KYNU: variants seen among roughly 807,000 people sequenced by gnomAD.
KYNU encodes kynureninase.
In KYNU, 54 loss-of-function variants were observed where a neutral mutation model predicts 59.2. The ratio of observed to expected loss-of-function variants is 0.91; its 90% CI spans 0.73 to 1.14. The LOEUF is 1.14. Ranked by LOEUF, KYNU falls within the 50% of genes most tolerant of loss-of-function variation. The probability of loss-of-function intolerance (pLI) is 0.00; values close to 1 mark genes in which losing one functional copy is unlikely to be tolerated. For synonymous variants in KYNU, 177 were observed against 192.0 expected, an observed-to-expected ratio of 0.92 and a Z score of 0.65; for missense variants, 567 against 554.4, an observed-to-expected ratio of 1.02 and a Z score of -0.23.
intron 4 of KYNU, among the ~76,000 whole-genome samples, chr2:142,945,150 A>G (rs562367225): frequency 2.6e-4 from 40 of 152,342 alleles, no homozygotes; most frequent in African/African-American, 8.7e-4. Flanking sequence ...TAAGATAGCA[A>G]TCACGTTTGC....
At chr2:142,905,594 T>C (rs1420583581) in intron 2 of KYNU, among the ~76,000 whole-genome samples, 1 of 152,234 alleles carries the variant, frequency 6.6e-6, no homozygotes, top group African/African-American at 2.4e-5. Context: ...AGCCCGATAC[T>C]TTAAGATTTT....
intron 10 of KYNU, among the ~76,000 whole-genome samples, chr2:143,022,885 G>C (rs1218837360): frequency 6.6e-6 from 1 of 151,502 alleles, no homozygotes; most frequent in Non-Finnish European, 1.5e-5. Context: ...ATGTTTTCTT[G>C]ATCAATTGGT....
At chr2:142,899,592 C>G (rs1682001028) in intron 2 of KYNU, among the ~76,000 whole-genome samples, 1 of 152,172 alleles carries the variant, frequency 6.6e-6, no homozygotes, top group African/African-American at 2.4e-5. Flanking sequence ...AGGGGTCGTG[C>G]AATTGAGATT....
chr2:142,936,648 T>C (rs1373656517), intron 4 of KYNU, among the ~76,000 whole-genome samples: 1 of 152,200 alleles, frequency 6.6e-6, no homozygotes, highest in African/African-American at 2.4e-5. Flanking sequence ...ACCAGAGCCT[T>C]CTTGGACCAA....
At chr2:142,960,370 G>A (rs1684302246) in intron 7 of KYNU, among the ~76,000 whole-genome samples, 1 of 152,070 alleles carries the variant, frequency 6.6e-6, no homozygotes. Context: ...TTTAAAAACT[G>A]GAGAATAAAT....
At chr2:142,900,653 G>T (rs547737922) in intron 2 of KYNU, among the ~76,000 whole-genome samples, 4 of 152,106 alleles carry the variant, frequency 2.6e-5, no homozygotes, top group Admixed American at 2.6e-4. Context: ...ATTCTTAGTC[G>T]GCCTAGGAAA....
At chr2:142,903,024 G>A (rs940912123) in intron 2 of KYNU, among the ~76,000 whole-genome samples, 4 of 152,246 alleles carry the variant, frequency 2.6e-5, no homozygotes, top group Admixed American at 2.6e-4. Flanking sequence ...GAAGGGTAAG[G>A]TACAGCTGGG....
intron 4 of KYNU, among the ~76,000 whole-genome samples, chr2:142,930,521 G>GGTGCAAA (rs1488442435): frequency 3.3e-5 from 5 of 152,236 alleles, no homozygotes; most frequent in African/African-American, 1.2e-4. Context: ...TCATGATCAA[G>GGTGCAAA]GTGCAAAGTG....
chr2:143,028,630 G>A (rs1169463726), intron 10 of KYNU, among the ~76,000 whole-genome samples: 1 of 151,294 alleles, frequency 6.6e-6, no homozygotes, highest in Non-Finnish European at 1.5e-5. Context: ...CTGATCACCT[G>A]AGGTCGGGAG....
At chr2:142,912,096 A>AT (rs1468004762) in intron 2 of KYNU, among the ~76,000 whole-genome samples, 2 of 151,854 alleles carry the variant, frequency 1.3e-5, no homozygotes, top group African/African-American at 4.8e-5. Flanking sequence ...CCCCTCCTTA[A>AT]TTTTTTGGGA....
intron 12 of KYNU, among the ~76,000 whole-genome samples, chr2:143,038,556 C>A (rs1476605583): frequency 6.6e-6 from 1 of 152,102 alleles, no homozygotes; most frequent in African/African-American, 2.4e-5. Flanking sequence ...CTCTCGGGAG[C>A]TTATGAAGCC....
At chr2:142,906,866 T>C (rs745381719) in intron 2 of KYNU, among the ~76,000 whole-genome samples, 3 of 152,138 alleles carry the variant, frequency 2.0e-5, no homozygotes, top group Non-Finnish European at 4.4e-5. Flanking sequence ...TAGTTGACCC[T>C]TGGCATCCCT....
intron 10 of KYNU, among the ~76,000 whole-genome samples, chr2:143,005,929 C>A (rs1296123390): frequency 6.6e-6 from 1 of 152,108 alleles, no homozygotes; most frequent in African/African-American, 2.4e-5. Context: ...TCCAACAATC[C>A]ATGGAAGTCC....
chr2:142,882,660 C>T (rs1681343473), intron 1 of KYNU, among the ~76,000 whole-genome samples: 1 of 152,198 alleles, frequency 6.6e-6, no homozygotes, highest in Admixed American at 6.5e-5. Flanking sequence ...GACATGAACT[C>T]ATCCTTTTTT....
chr2:142,912,703 C>CTTTTTTT (rs1163302368), intron 2 of KYNU, among the ~76,000 whole-genome samples: 32 of 71,864 alleles, frequency 4.5e-4, no homozygotes, highest in East Asian at 9.4e-4. Context: ...TTCTTTCTTC[C>CTTTTTTT]TTTTTTTTTT....
chr2:143,025,369 A>T (rs1214916132), intron 10 of KYNU, among the ~76,000 whole-genome samples: 1 of 152,066 alleles, frequency 6.6e-6, no homozygotes, highest in Admixed American at 6.6e-5. Context: ...TTCCTAGATT[A>T]GCAATTTGGG....
intron 4 of KYNU, among the ~76,000 whole-genome samples, chr2:142,945,600 C>G (rs1390073539): frequency 6.6e-6 from 1 of 152,138 alleles, no homozygotes; most frequent in Non-Finnish European, 1.5e-5. Flanking sequence ...TTGACCTCCT[C>G]CCAATAATCA....
chr2:142,957,670 C>T lies in KYNU; in HGVS notation c.537C>T (p.His179=), dbSNP rs756246611. 14 of 1,606,238 alleles carry T rather than the reference C, an allele frequency of 8.7e-6. No individual in the cohort carries two copies. Among genetic ancestry groups the T allele is most frequent in the African/African-American group, 1.3e-5 (1 of 74,808 alleles). ...CTATTGAGTCACAACTACAACTTCACGGACTTAACATTGAAGAAAGTATGC... is the reference window on the plus strand; with the variant it reads ...CTATTGAGTCACAACTACAACTTCATGGACTTAACATTGAAGAAAGTATGC... ...HYAIESQLQL[H]GLNIEESMRM... is the part of the protein sequence containing the mutation. The change falls in exon 7 of 14, where the codon CAC becomes CAT. Residue 179 remains histidine (H), a synonymous_variant. Coordinates refer to ENST00000264170, the MANE Select transcript of KYNU (RefSeq NM_003937.3).
intron 10 of KYNU, among the ~76,000 whole-genome samples, chr2:143,001,986 G>A (rs780623662): frequency 4.6e-5 from 7 of 151,986 alleles, no homozygotes; most frequent in Non-Finnish European, 8.8e-5. Flanking sequence ...AATTTGATTC[G>A]CCAGGCCATT....
Sources: gnomAD v4.1 joint callset for allele counts (sites outside exome capture counted in the v4.1 genomes callset) on GRCh38, gnomAD v4.1.1 for gene constraint, MANE v1.5 for transcripts, NCBI Gene and HGNC (gene_info 2026-07-23, HGNC 2026-07-21) for gene names.